PLEKHA8: variants seen among roughly 807,000 people sequenced by gnomAD.
PLEKHA8 encodes the protein pleckstrin homology domain-containing family A member 8.
A neutral mutation model predicts 68.2 loss-of-function variants in PLEKHA8; 36 were observed. That is an observed-to-expected ratio of 0.53 (90% CI 0.40 to 0.70). The LOEUF is 0.70. PLEKHA8 is among the 30% of genes least tolerant of loss of function. PLEKHA8 has a pLI of 0.00. For synonymous variants in PLEKHA8, 211 were observed against 216.1 expected, an observed-to-expected ratio of 0.98 and a Z score of 0.20; for missense variants, 505 against 615.4, an observed-to-expected ratio of 0.82 and a Z score of 1.90.
downstream of PLEKHA8, among the ~76,000 whole-genome samples, chr7:30,093,919 T>G (rs573079298): frequency 6.6e-6 from 1 of 152,360 alleles, no homozygotes; most frequent in East Asian, 1.9e-4. Flanking sequence ...ACAAATCCTT[T>G]AACCCCTTGA....
At chr7:30,109,311 G>T (rs1422650089) in intron 13 of PLEKHA8, among the ~76,000 whole-genome samples, 8 of 152,112 alleles carry the variant, frequency 5.3e-5, no homozygotes, top group Admixed American at 5.2e-4. Flanking sequence ...GATTAACATG[G>T]CTGGGCATGG....
chr7:30,099,343 G>T (rs1024031582), intron 13 of PLEKHA8, among the ~76,000 whole-genome samples: 2 of 152,220 alleles, frequency 1.3e-5, no homozygotes, highest in African/African-American at 4.8e-5. Flanking sequence ...CCAGGAATGT[G>T]CAGTGTAGTA....
At chr7:30,109,322 T>G (rs1796182385) in intron 13 of PLEKHA8, among the ~76,000 whole-genome samples, 1 of 152,172 alleles carries the variant, frequency 6.6e-6, no homozygotes, top group South Asian at 2.1e-4. Flanking sequence ...CTGGGCATGG[T>G]GGCTCACACC....
Position 30,083,642 on chromosome 7 carries a change from GA to G in PLEKHA8, c.*4862del, listed in dbSNP as rs1312048633. ...TTTTTATATAGCCTTTAATTAAAAGGAAAAAAATACCACTACTCTGCAATGC... is the reference window on the plus strand; with the variant it reads ...TTTTTATATAGCCTTTAATTAAAAGGAAAAAATACCACTACTCTGCAATGC... On this transcript the variant is annotated 3_prime_UTR_variant, in exon 14 of 14. Coordinates refer to ENST00000449726, the MANE Select transcript of PLEKHA8 (RefSeq NM_001197026.2). The G allele has an allele frequency of 2.0e-6, 2 of 985,132 alleles. No individual in the cohort carries two copies. The highest frequency in any genetic ancestry group is 9.4e-5 in the South Asian group (2 of 21,284). 61.0% of individuals were successfully genotyped at this position (985,132 alleles called of 1,614,324 possible). A position where few individuals can be genotyped will look rare whatever the true frequency, so the allele number is the denominator to read the frequency against.
chr7:30,095,509 G>A (rs1038880876), downstream of PLEKHA8, among the ~76,000 whole-genome samples: 9 of 152,150 alleles, frequency 5.9e-5, no homozygotes, highest in African/African-American at 1.2e-4. Flanking sequence ...TCTTTGCTGC[G>A]CAGAAGCTCT....
intron 1 of PLEKHA8, among the ~76,000 whole-genome samples, chr7:30,038,530 C>T (rs1791279185): frequency 6.6e-6 from 1 of 152,086 alleles, no homozygotes; most frequent in Non-Finnish European, 1.5e-5. Flanking sequence ...AAGGCTTGAT[C>T]AGAAAGGAGT....
In PLEKHA8 at chr7:30,051,973, A is replaced by AAAAT. The variant is rs759686497; in HGVS notation, c.639-718_639-715dup. Among the ~76,000 whole-genome samples, 107 of 152,242 alleles carry AAAAT rather than the reference A, an allele frequency of 7.0e-4. No individual in the cohort carries two copies. The East Asian group carries it at 0.01, about 15-fold the overall frequency. ...GGGTGACAGAGCGAGACTCCATCTC[A>AAAAT]AAATAAATAAATAAATAAATAGACA... On this transcript the variant is annotated intron_variant, in intron 6 of 13. Coordinates refer to ENST00000449726, the MANE Select transcript of PLEKHA8 (RefSeq NM_001197026.2).
At chr7:30,049,496 G>C in intron 5 of PLEKHA8, 114 bp downstream of exon 5, 1 of 1,348,868 alleles carries the variant, frequency 7.4e-7, no homozygotes, top group Non-Finnish European at 9.9e-7. Flanking sequence ...TTTTTTAATG[G>C]ACTTTGCTCT....
intron 1 of PLEKHA8, among the ~76,000 whole-genome samples, chr7:30,038,505 G>A (rs1356571217): frequency 6.6e-6 from 1 of 152,154 alleles, no homozygotes; most frequent in East Asian, 1.9e-4. Context: ...TTGGCCAAGG[G>A]TAAAGGGAGA....
chr7:30,089,507 G>A (rs1795321385), downstream of PLEKHA8, among the ~76,000 whole-genome samples: 1 of 152,200 alleles, frequency 6.6e-6, no homozygotes. Context: ...TATAGGGGAA[G>A]CGAAATAGAT....
chr7:30,032,282 G>A (rs1448879510), intron 1 of PLEKHA8, among the ~76,000 whole-genome samples: 2 of 152,172 alleles, frequency 1.3e-5, no homozygotes, highest in African/African-American at 2.4e-5. Context: ...CTGGCAAACA[G>A]CCCTATTACT....
At chr7:30,047,783 A>G (rs1445484257) in intron 3 of PLEKHA8, 49 bp from the exon 4 acceptor site, 1 of 1,552,654 alleles carries the variant, frequency 6.4e-7, no homozygotes, top group Non-Finnish European at 8.7e-7. Context: ...CTAACTAGTA[A>G]ATCAGTTGTT....
At chr7:30,074,397 G>A (rs903903891) in intron 13 of PLEKHA8, among the ~76,000 whole-genome samples, 5 of 152,124 alleles carry the variant, frequency 3.3e-5, no homozygotes, top group Non-Finnish European at 7.4e-5. Context: ...GAATAGCAAA[G>A]ACTGTTAAAG....
chr7:30,122,147 C>A (rs1160461717), intron 13 of PLEKHA8, among the ~76,000 whole-genome samples: 1 of 152,214 alleles, frequency 6.6e-6, no homozygotes, highest in Non-Finnish European at 1.5e-5. Context: ...GAGGTAGAAT[C>A]AGAACACATT....
At chr7:30,112,470 A>G (rs1227888589) in intron 13 of PLEKHA8, among the ~76,000 whole-genome samples, 1 of 152,176 alleles carries the variant, frequency 6.6e-6, no homozygotes, top group African/African-American at 2.4e-5. Flanking sequence ...GCACTAAAAG[A>G]GTGTGACTAC....
chr7:30,051,065 A>G (rs112028146), intron 6 of PLEKHA8, among the ~76,000 whole-genome samples: 1 of 151,960 alleles, frequency 6.6e-6, no homozygotes, highest in Non-Finnish European at 1.5e-5. Context: ...ATGCCTGGCT[A>G]ATTTTTGTAT....
At chr7:30,099,689 G>A (rs919425875) in intron 13 of PLEKHA8, among the ~76,000 whole-genome samples, 1 of 152,152 alleles carries the variant, frequency 6.6e-6, no homozygotes, top group African/African-American at 2.4e-5. Context: ...CCATATGCTG[G>A]ACCGTAAAAC....
intron 13 of PLEKHA8, among the ~76,000 whole-genome samples, chr7:30,116,632 T>C (rs1342279492): frequency 2.0e-4 from 30 of 152,186 alleles, no homozygotes; most frequent in Admixed American, 2.0e-3. Context: ...ATAGATGCCT[T>C]ACATTTAAAG....
chr7:30,078,987 A>G lies in PLEKHA8; in HGVS notation c.*200A>G. ...TAAAGATCAAGGTGCTATATATTTC[A>G]GTTCAGCAGGCCTACTGGAAACCAA... On this transcript the variant is annotated 3_prime_UTR_variant, in exon 14 of 14. Transcript: ENST00000449726. 1.5e-6 allele frequency: 2 copies of G among 1,353,256 alleles called. No individual in the cohort carries two copies. The highest frequency in any genetic ancestry group is 1.9e-6 in the Non-Finnish European group (2 of 1,055,342). The allele number at this position is 1,353,256 out of a possible 1,614,324, so 83.8% of individuals were successfully genotyped here. A position where few individuals can be genotyped will look rare whatever the true frequency, so the allele number is the denominator to read the frequency against.
Sources: allele counts gnomAD v4.1 joint callset (sites outside exome capture counted in the v4.1 genomes callset), GRCh38; gene constraint gnomAD v4.1.1; transcripts MANE v1.5; gene names NCBI Gene and HGNC (gene_info 2026-07-23, HGNC 2026-07-21).